NPIPA5: variants seen among roughly 807,000 people sequenced by gnomAD.
The protein encoded by NPIPA5 is nuclear pore complex interacting protein family member A5, also known as nuclear pore complex-interacting protein family member A5.
A neutral mutation model predicts 21.4 loss-of-function variants in NPIPA5; 6 were observed. The observed-to-expected ratio is 0.28, with a 90% CI of 0.15 to 0.55. NPIPA5 has a LOEUF of 0.55. NPIPA5 is among the 20% of genes least tolerant of loss of function. The probability of loss-of-function intolerance (pLI) is 0.93; values close to 1 mark genes in which losing one functional copy is unlikely to be tolerated. For missense variants in NPIPA5, 99 were observed against 318.2 expected (o/e 0.31, Z 5.24); for synonymous variants, 33 against 115.3 (o/e 0.29, Z 4.57).
At chr16:15,372,079 G>A (rs963310417) in intron 2 of NPIPA5, among the ~76,000 whole-genome samples, 10 of 148,896 alleles carry the variant, frequency 6.7e-5, no homozygotes, top group Non-Finnish European at 1.3e-4. Flanking sequence ...TGATGTCCCT[G>A]CTTAGGAGGT....
chr16:15,371,437 T>A lies in NPIPA5; in HGVS notation c.193-1318A>T, dbSNP rs546543727. Among the ~76,000 whole-genome samples the A allele has an allele frequency of 2.3e-3, 346 of 149,038 alleles. 21 individuals are homozygous for A. Among genetic ancestry groups the A allele is most frequent in the African/African-American group, 8.0e-3 (327 of 40,922 alleles). ...AGATATTAAATATTTGTTCTCATCA[T>A]AGCTAAAATGCAACGCAAATCCCAT... On this transcript the variant is annotated intron_variant, in intron 2 of 7. Coordinates refer to ENST00000360151, the MANE Select transcript of NPIPA5 (RefSeq NM_001277325.2).
upstream of NPIPA5, among the ~76,000 whole-genome samples, chr16:15,380,609 C>CA (rs1470309678): frequency 2.0e-5 from 3 of 151,852 alleles, no homozygotes; most frequent in African/African-American, 7.3e-5. Flanking sequence ...AGGCATGAGT[C>CA]ACCATGCCCA....
chr16:15,377,004 C>T lies in NPIPA5; in HGVS notation c.63+1228G>A, dbSNP rs147372720. Among the ~76,000 whole-genome samples, 913 of 152,062 alleles carry T rather than the reference C, an allele frequency of 6.0e-3. 10 individuals are homozygous for T. The highest frequency in any genetic ancestry group is 0.021 in the African/African-American group (860 of 41,464). ...CAAACAAACAAAAAAGTCATCAAAC[C>T]AGATGACACAAATCAAATGACATTT... is the stretch of plus-strand genomic sequence containing the variant. On this transcript the variant is annotated intron_variant, in intron 1 of 7. Coordinates refer to ENST00000360151, the MANE Select transcript of NPIPA5 (RefSeq NM_001277325.2).
rs1367009072 is a variant in NPIPA5 at position 15,366,717 on chromosome 16, C to T, written c.481G>A (p.Glu161Lys). 5.9e-6 allele frequency: 9 copies of T among 1,535,168 alleles called. No homozygotes were observed. In the East Asian group the frequency reaches 2.2e-4, roughly 37 times the overall value. The change falls in exon 5 of 8, where the codon GAG becomes AAG. Residue 161 changes from glutamate (E) to lysine (K), a missense_variant. By Grantham distance (56) the Glu-to-Lys change is moderately conservative. This residue lies in a region of NPIPA5 where 12 missense variants were observed against 18.6 expected (regional missense o/e 0.64). Coordinates refer to ENST00000360151, the MANE Select transcript of NPIPA5 (RefSeq NM_001277325.2). ...TCCTCTGCCTCTGACACCTGCCTCT[C>T]CTTTTCTCCGTGCTCACGTTCTTTC... The part of the protein sequence containing the change: ...SMKEREHGEK[E>K]RQVSEAEENG...
chr16:15,381,490 T>G (rs1470943525), upstream of NPIPA5: 1 of 981,934 alleles, frequency 1.0e-6, no homozygotes, highest in Admixed American at 6.2e-5. Flanking sequence ...ACATTACTAA[T>G]TATAACCCTG....
upstream of NPIPA5, among the ~76,000 whole-genome samples, chr16:15,379,829 C>G (rs1169411193): frequency 6.6e-6 from 1 of 151,570 alleles, no homozygotes; most frequent in Non-Finnish European, 1.5e-5. Context: ...CCTGTAGTCC[C>G]AGCTACTCAG....
At chr16:15,375,668 G>T (rs1382698131) in intron 1 of NPIPA5, among the ~76,000 whole-genome samples, 9 of 146,714 alleles carry the variant, frequency 6.1e-5, no homozygotes, top group Non-Finnish European at 1.4e-4. Context: ...CTTGAACCTG[G>T]GAGGTAGAGG....
At chr16:15,367,026 A>G (rs892494301) in intron 4 of NPIPA5, among the ~76,000 whole-genome samples, 9 of 152,210 alleles carry the variant, frequency 5.9e-5, no homozygotes, top group African/African-American at 2.2e-4. Flanking sequence ...GTAAATATAA[A>G]GACTATTAAA....
chr16:15,372,887 CTT>C (rs954788075), intron 2 of NPIPA5, among the ~76,000 whole-genome samples: 5 of 146,262 alleles, frequency 3.4e-5, no homozygotes, highest in Admixed American at 1.5e-4. Flanking sequence ...CAAGTACAGA[CTT>C]TTGACATACG....
intron 7 of NPIPA5, 112 bp from the exon 8 acceptor site, chr16:15,364,181 C>T: frequency 7.9e-7 from 1 of 1,258,132 alleles, no homozygotes; most frequent in Non-Finnish European, 1.1e-6. Flanking sequence ...TTGCACCTTT[C>T]CATCCTCCAG....
At position 15,372,016 on chromosome 16, in the gene NPIPA5, A is replaced by T. The variant is rs1409287136; in HGVS notation, c.192+1699T>A. 3.4e-5 allele frequency among the ~76,000 whole-genome samples: 5 copies of T among 146,202 alleles called. 1 individual carries two copies. The East Asian group carries it at 1.0e-3, about 30-fold the overall frequency. On this transcript the variant is annotated intron_variant, in intron 2 of 7. Transcript: ENST00000360151. ...AGCTAGGAGAAATGTCAAACACATG[A>T]AGAAATGAGAAGCAAAGAAATGCCA...
At chr16:15,380,377 C>G (rs1266505731), upstream of NPIPA5, among the ~76,000 whole-genome samples, 4 of 151,226 alleles carry the variant, frequency 2.6e-5, no homozygotes, top group Non-Finnish European at 4.4e-5. Context: ...GTCTGGAGTG[C>G]AATGGCGTGA....
At chr16:15,377,514 AC>A (rs1469243022) in intron 1 of NPIPA5, among the ~76,000 whole-genome samples, 4 of 141,966 alleles carry the variant, frequency 2.8e-5, no homozygotes, top group African/African-American at 5.1e-5. Flanking sequence ...CAGCCACCGC[AC>A]CCGCATGTCC....
intron 4 of NPIPA5, among the ~76,000 whole-genome samples, chr16:15,369,144 T>G (rs1598393404): frequency 6.9e-6 from 1 of 144,050 alleles, no homozygotes; most frequent in African/African-American, 2.6e-5. Context: ...AGAGCGAGAC[T>G]CTATCTCAAA....
chr16:15,372,145 G>T (rs1438809976), intron 2 of NPIPA5, among the ~76,000 whole-genome samples: 1 of 148,690 alleles, frequency 6.7e-6, no homozygotes, highest in Non-Finnish European at 1.5e-5. Flanking sequence ...AAGTCCAACA[G>T]CTCAACTGAA....
chr16:15,380,917 C>T (rs1313826158), upstream of NPIPA5: 5 of 1,240,154 alleles, frequency 4.0e-6, no homozygotes, highest in East Asian at 7.8e-5. Context: ...CATCTGTCTG[C>T]ACTCACTCAC....
At chr16:15,371,106 T>G (rs373373680) in intron 2 of NPIPA5, among the ~76,000 whole-genome samples, 6 of 141,612 alleles carry the variant, frequency 4.2e-5, no homozygotes, top group Admixed American at 3.1e-4. Flanking sequence ...CACTTCAACA[T>G]GGTTAGATGG....
chr16:15,381,230 A>T (rs1383308023), upstream of NPIPA5: 7 of 149,950 alleles, frequency 4.7e-5, no homozygotes, highest in African/African-American at 1.8e-4. Context: ...GCCATGCAAA[A>T]TTACTTTACC....
At chr16:15,374,120 TA>T (rs2050225427) in intron 1 of NPIPA5, among the ~76,000 whole-genome samples, 1 of 147,242 alleles carries the variant, frequency 6.8e-6, no homozygotes, top group Non-Finnish European at 1.5e-5. Context: ...CTGCCTATAT[TA>T]AAAGAAGCAA....
Sources: gnomAD v4.1 joint callset for allele counts (sites outside exome capture counted in the v4.1 genomes callset) on GRCh38, gnomAD v4.1.1 for gene constraint, gnomAD v4.1.1 regional missense constraint, MANE v1.5 for transcripts, NCBI Gene and HGNC (gene_info 2026-07-23, HGNC 2026-07-21) for gene names.